COPG2: variants seen among roughly 807,000 people sequenced by gnomAD.
COPG2 encodes the protein coatomer subunit gamma-2.
Under a neutral mutation model 46.3 loss-of-function variants are expected in COPG2, and 37 were observed. The observed-to-expected ratio is 0.80, with a 90% CI of 0.61 to 1.05. The LOEUF (loss-of-function observed/expected upper bound fraction) is 1.05, where lower values mean the gene tolerates loss of function less well. Ranked by LOEUF, COPG2 falls within the 50% of genes least tolerant of loss-of-function variation. COPG2 has a pLI of 0.00. For synonymous variants in COPG2, 159 were observed against 129.7 expected (o/e 1.23, Z -1.53); for missense variants, 427 against 387.8 (o/e 1.10, Z -0.85).
At position 130,612,186 on chromosome 7, in the gene COPG2, T is replaced by C. The variant is rs773126165; in HGVS notation, c.545A>G (p.Gln182Arg). The C allele has an allele frequency of 3.7e-6, 6 of 1,612,052 alleles. No individual in the cohort carries two copies. Among genetic ancestry groups the C allele is most frequent in the Non-Finnish European group, 5.1e-6 (6 of 1,179,138 alleles). Residue 182 changes from glutamine (Q) to arginine (R), a missense_variant, in exon 8 of 24, where the codon CAA becomes CGA. Transcript: ENST00000425248. ...DVVKRWINEA[Q>R]EAASSDNIMV... Reference sequence around the variant, plus strand: ...AATATTATCACTTGATGCAGCTTCTTGGGCTTCATTGATCCAGCGCTTAAC... The same window carrying C: ...AATATTATCACTTGATGCAGCTTCTCGGGCTTCATTGATCCAGCGCTTAAC...
At chr7:130,606,310 A>G (rs1384522548) in intron 9 of COPG2, among the ~76,000 whole-genome samples, 1 of 151,960 alleles carries the variant, frequency 6.6e-6, no homozygotes, top group Admixed American at 6.6e-5. Context: ...GAAAAGAAAG[A>G]AAGAGAAAAG....
intron 5 of COPG2, among the ~76,000 whole-genome samples, chr7:130,650,948 T>C (rs1275192496): frequency 2.0e-5 from 3 of 152,190 alleles, no homozygotes; most frequent in African/African-American, 7.2e-5. Context: ...GACTTACGAT[T>C]ATATGAGAAA....
intron 11 of COPG2, among the ~76,000 whole-genome samples, chr7:130,562,854 C>A (rs1423491669): frequency 1.1e-4 from 17 of 152,282 alleles, no homozygotes; most frequent in Middle Eastern, 6.8e-3. Flanking sequence ...CTGCTGTAGA[C>A]CAGCACTGTG....
chr7:130,634,531 T>C (rs1322359987), intron 5 of COPG2, among the ~76,000 whole-genome samples: 3 of 152,196 alleles, frequency 2.0e-5, no homozygotes, highest in East Asian at 3.8e-4. Context: ...ATTATTGATA[T>C]ATAGGAATGC....
At chr7:130,613,006 A>G (rs1177145285) in intron 7 of COPG2, among the ~76,000 whole-genome samples, 2 of 152,280 alleles carry the variant, frequency 1.3e-5, no homozygotes, top group African/African-American at 4.8e-5. Flanking sequence ...GATTTCCAAA[A>G]CCTTTCAAAC....
rs1281576733 is a variant in COPG2, at chr7:130,537,758, C to G, written c.2149+9916G>C. On this transcript the variant is annotated intron_variant, in intron 20 of 23. Transcript: ENST00000425248. Reference sequence around the variant, plus strand: ...AGTGTGGGTGTGAACGTAGAGAATCCTCCTTTTTGCCCAAAAGGGGCGAAG... The same window carrying G: ...AGTGTGGGTGTGAACGTAGAGAATCGTCCTTTTTGCCCAAAAGGGGCGAAG... 5.2e-4 allele frequency among the ~76,000 whole-genome samples: 79 copies of G among 152,312 alleles called. 2 individuals carry two copies. Among genetic ancestry groups the G allele is most frequent in the Non-Finnish European group, 1.2e-4 (8 of 68,030 alleles).
chr7:130,610,867 CAA>C, intron 9 of COPG2, 84 bp downstream of exon 9: 1 of 1,386,558 alleles, frequency 7.2e-7, no homozygotes. Flanking sequence ...AGCACTGCCC[CAA>C]AAAAAATTCA....
chr7:130,600,230 T>C (rs369512471), intron 9 of COPG2, among the ~76,000 whole-genome samples: 45 of 152,290 alleles, frequency 3.0e-4, no homozygotes, highest in African/African-American at 9.1e-4. Flanking sequence ...ACCATTACTT[T>C]TGTCAAAATA....
intron 12 of COPG2, 25 bp downstream of exon 12, chr7:130,561,008 A>G (rs1045916454): frequency 2.0e-4 from 80 of 398,464 alleles, no homozygotes; most frequent in Non-Finnish European, 3.1e-4. Context: ...ACTGGGAGAA[A>G]ATATGATCAT....
chr7:130,526,749 C>G (rs1220698626), intron 20 of COPG2, among the ~76,000 whole-genome samples: 10 of 148,218 alleles, frequency 6.7e-5, no homozygotes, highest in Non-Finnish European at 1.5e-4. Flanking sequence ...AATGACTGCT[C>G]TTAAAGCCTT....
chr7:130,535,097 AGG>A (rs2116363818), intron 20 of COPG2, among the ~76,000 whole-genome samples: 1 of 152,342 alleles, frequency 6.6e-6, no homozygotes, highest in East Asian at 1.9e-4. Flanking sequence ...TTGAGCGGTG[AGG>A]AGAGCAGGTC....
rs1799538951 is a variant in COPG2, at chr7:130,508,407, G to C, written c.2247+155C>G. 1.4e-5 allele frequency: 8 copies of C among 589,254 alleles called. No homozygotes were observed. The South Asian group carries it at 1.7e-4, about 13-fold the overall frequency. The allele number at this position is 589,254 out of a possible 1,614,324, so 36.5% of individuals were successfully genotyped here. The stretch of plus-strand genomic sequence containing the variant: ...CTGGTGCTGTCCAGTTACAGAGGAG[G>C]GTTAGTCCAGGTCCTCCTAATTTGT... On this transcript the variant is annotated intron_variant, in intron 21 of 23. Coordinates refer to ENST00000425248, the MANE Select transcript of COPG2 (RefSeq NM_012133.6).
intron 9 of COPG2, among the ~76,000 whole-genome samples, chr7:130,578,050 C>T (rs1284048050): frequency 6.6e-6 from 1 of 152,260 alleles, no homozygotes; most frequent in East Asian, 1.9e-4. Context: ...GGGCAGAGCA[C>T]AGACGAACCA....
intron 9 of COPG2, among the ~76,000 whole-genome samples, chr7:130,583,057 T>C (rs1443063085): frequency 8.6e-5 from 13 of 151,136 alleles, no homozygotes; most frequent in African/African-American, 2.4e-4. Flanking sequence ...CGTATGTTTA[T>C]TGCAGCATTA....
chr7:130,663,927 G>A (rs1796027164), intron 3 of COPG2, among the ~76,000 whole-genome samples: 1 of 151,786 alleles, frequency 6.6e-6, no homozygotes. Flanking sequence ...CTTTAGTAGA[G>A]ACGGGGTTTC....
At chr7:130,531,590 A>G (rs991306570) in intron 20 of COPG2, among the ~76,000 whole-genome samples, 6 of 152,154 alleles carry the variant, frequency 3.9e-5, no homozygotes, top group African/African-American at 7.2e-5. Flanking sequence ...CAACTCTCAC[A>G]AAGAGTGGGA....
chr7:130,619,071 A>G (rs1411807035), intron 5 of COPG2, among the ~76,000 whole-genome samples: 1 of 152,156 alleles, frequency 6.6e-6, no homozygotes, highest in Non-Finnish European at 1.5e-5. Flanking sequence ...TCTGGTGTTA[A>G]TTCTATGAAT....
At chr7:130,601,430 T>C (rs1794629460) in intron 9 of COPG2, among the ~76,000 whole-genome samples, 1 of 152,188 alleles carries the variant, frequency 6.6e-6, no homozygotes, top group Non-Finnish European at 1.5e-5. Context: ...CCATCAATGA[T>C]AGACTGGGTA....
intron 9 of COPG2, chr7:130,602,809 G>A (rs138576489): frequency 6.6e-6 from 1 of 151,830 alleles, no homozygotes; most frequent in African/African-American, 2.4e-5. Flanking sequence ...TACAGCATCC[G>A]GTATTACCAG....
Sources: gnomAD v4.1 joint callset for allele counts (sites outside exome capture counted in the v4.1 genomes callset) on GRCh38, gnomAD v4.1.1 for gene constraint, MANE v1.5 for transcripts, NCBI Gene and HGNC (gene_info 2026-07-23, HGNC 2026-07-21) for gene names.